PACRG: variants seen among roughly 807,000 people sequenced by gnomAD.
PACRG encodes the protein parkin coregulated.
A neutral mutation model predicts 29.7 loss-of-function variants in PACRG; 29 were observed. The observed-to-expected ratio is 0.98, with a 90% CI of 0.73 to 1.33. The LOEUF (loss-of-function observed/expected upper bound fraction) is 1.33, where lower values mean the gene tolerates loss of function less well. Among genes scored for constraint, PACRG ranks in the 40% most tolerant of loss-of-function variants. The probability of loss-of-function intolerance (pLI) is 0.00; values close to 1 mark genes in which losing one functional copy is unlikely to be tolerated. For missense variants in PACRG, 279 were observed against 316.2 expected (o/e 0.88, Z 0.89); for synonymous variants, 116 against 118.7 (o/e 0.98, Z 0.15).
At chr6:162,735,044 C>A (rs1447063555) in intron 1 of PACRG, among the ~76,000 whole-genome samples, 3 of 152,070 alleles carry the variant, frequency 2.0e-5, no homozygotes, top group Non-Finnish European at 2.9e-5. Context: ...TGAGATTCAC[C>A]CACATTATTG....
At chr6:163,126,684 T>C (rs1816527880) in intron 4 of PACRG, among the ~76,000 whole-genome samples, 1 of 152,152 alleles carries the variant, frequency 6.6e-6, no homozygotes, top group Admixed American at 6.6e-5. Flanking sequence ...CATATAAACC[T>C]TTCCTATTAA....
At position 162,728,153 on chromosome 6, in the gene PACRG, T is replaced by C; in HGVS notation, c.-83T>C. The C allele has an allele frequency of 6.7e-7, 1 of 1,499,642 alleles. No individual in the cohort carries two copies. The allele number at this position is 1,499,642 out of a possible 1,614,324, so 92.9% of individuals were successfully genotyped here. A position where few individuals can be genotyped will look rare whatever the true frequency, so the allele number is the denominator to read the frequency against. ...CCATTATCGCGCCTTTTGATATTTT[T>C]TTCCAGACCTCCTGCTCACATCCGT... On this transcript the variant is annotated 5_prime_UTR_variant, in exon 1 of 5. Transcript: ENST00000366888.
intron 4 of PACRG, among the ~76,000 whole-genome samples, chr6:163,135,783 C>G (rs1211347514): frequency 6.6e-6 from 1 of 152,176 alleles, no homozygotes; most frequent in Non-Finnish European, 1.5e-5. Flanking sequence ...GTGCATCGCT[C>G]GACAAGCCGG....
chr6:162,814,030 T>G, intron 1 of PACRG, 117 bp from the exon 2 acceptor site: 1 of 1,146,066 alleles, frequency 8.7e-7, no homozygotes, highest in Non-Finnish European at 1.2e-6. Flanking sequence ...GATAATGTGT[T>G]TTTATCTTCC....
intron 4 of PACRG, among the ~76,000 whole-genome samples, chr6:163,192,208 G>A (rs1342965837): frequency 6.6e-6 from 1 of 152,170 alleles, no homozygotes; most frequent in Non-Finnish European, 1.5e-5. Flanking sequence ...AAAATGAAAT[G>A]CACAGTGGAA....
chr6:163,216,147 T>C (rs950161592), intron 4 of PACRG, among the ~76,000 whole-genome samples: 8 of 152,252 alleles, frequency 5.3e-5, no homozygotes, highest in Admixed American at 5.2e-4. Context: ...AAGTTTTTCC[T>C]GTGTTGTCTA....
At chr6:162,971,317 G>C (rs780908575) in intron 2 of PACRG, among the ~76,000 whole-genome samples, 1 of 152,266 alleles carries the variant, frequency 6.6e-6, no homozygotes, top group South Asian at 2.1e-4. Context: ...ATGGATCATG[G>C]ACCATATTGT....
intron 1 of PACRG, among the ~76,000 whole-genome samples, chr6:162,782,704 C>G (rs1784184215): frequency 1.3e-5 from 2 of 151,688 alleles, no homozygotes; most frequent in Non-Finnish European, 1.5e-5. Context: ...AAGGAGATTT[C>G]AGAGAAAATT....
At chr6:162,956,950 G>A (rs894612506) in intron 2 of PACRG, among the ~76,000 whole-genome samples, 7 of 151,864 alleles carry the variant, frequency 4.6e-5, no homozygotes, top group African/African-American at 1.2e-4. Flanking sequence ...CATTCATGAC[G>A]TTTACTGCAT....
intron 4 of PACRG, among the ~76,000 whole-genome samples, chr6:163,255,015 G>A (rs756575715): frequency 3.9e-5 from 6 of 152,180 alleles, no homozygotes; most frequent in East Asian, 1.9e-4. Flanking sequence ...CGAGGCTCAC[G>A]CAGCACATGA....
chr6:163,181,086 A>G (rs1056027643), intron 4 of PACRG, among the ~76,000 whole-genome samples: 5 of 152,168 alleles, frequency 3.3e-5, no homozygotes, highest in East Asian at 1.9e-4. Context: ...GCACTAAACC[A>G]TCTATTCAGC....
At chr6:163,061,124 G>A (rs1190073725) in intron 2 of PACRG, among the ~76,000 whole-genome samples, 1 of 152,174 alleles carries the variant, frequency 6.6e-6, no homozygotes, top group Admixed American at 6.5e-5. Flanking sequence ...GAAGCTGGGT[G>A]CATTCATAAG....
chr6:162,731,583 G>A (rs1779773505), intron 1 of PACRG, among the ~76,000 whole-genome samples: 1 of 152,092 alleles, frequency 6.6e-6, no homozygotes. Context: ...TTTGGTATCT[G>A]CAGGAGGTCC....
At chr6:162,901,122 C>A (rs1795532155) in intron 2 of PACRG, among the ~76,000 whole-genome samples, 1 of 152,134 alleles carries the variant, frequency 6.6e-6, no homozygotes, top group African/African-American at 2.4e-5. Flanking sequence ...AGAGATAAGA[C>A]ATCCATTTTC....
intron 1 of PACRG, among the ~76,000 whole-genome samples, chr6:162,807,741 T>G (rs914685114): frequency 6.6e-6 from 1 of 152,092 alleles, no homozygotes; most frequent in South Asian, 2.1e-4. Flanking sequence ...TGCAGAGACA[T>G]GAAGTGAGCC....
chr6:162,768,071 A>G (rs1440745749), intron 1 of PACRG, among the ~76,000 whole-genome samples: 2 of 152,092 alleles, frequency 1.3e-5, no homozygotes, highest in South Asian at 2.1e-4. Context: ...TTGTATTTGC[A>G]TACCATTATT....
At chr6:162,935,244 A>G (rs1179261563) in intron 2 of PACRG, among the ~76,000 whole-genome samples, 1 of 152,062 alleles carries the variant, frequency 6.6e-6, no homozygotes. Flanking sequence ...AGACTTGGGA[A>G]ATTTTCAGCT....
intron 4 of PACRG, among the ~76,000 whole-genome samples, chr6:163,209,680 A>C (rs1781056179): frequency 1.3e-5 from 2 of 152,334 alleles, no homozygotes; most frequent in African/African-American, 2.4e-5. Context: ...AGCATACATC[A>C]ACCTAGTTAA....
chr6:163,169,481 T>C (rs887312591), intron 4 of PACRG, among the ~76,000 whole-genome samples: 1 of 152,056 alleles, frequency 6.6e-6, no homozygotes, highest in African/African-American at 2.4e-5. Flanking sequence ...GAGGTGCGGG[T>C]TGGGAATAGC....
Sources: gnomAD v4.1 joint callset for allele counts (sites outside exome capture counted in the v4.1 genomes callset) on GRCh38, gnomAD v4.1.1 for gene constraint, MANE v1.5 for transcripts, NCBI Gene and HGNC (gene_info 2026-07-23, HGNC 2026-07-21) for gene names.